NXPE4: variants seen among roughly 807,000 people sequenced by gnomAD.
The protein encoded by NXPE4 is NXPE family member 4.
NXPE4 carries 42 observed loss-of-function variants against 33.3 expected under a neutral mutation model. The observed-to-expected ratio is 1.26, with a 90% CI of 0.98 to 1.63. The LOEUF (loss-of-function observed/expected upper bound fraction) is 1.63. Ranked by LOEUF, NXPE4 falls within the 40% of genes most tolerant of loss-of-function variation. The pLI is 0.00. For missense variants in NXPE4, 709 were observed against 647.6 expected (o/e 1.09, Z -1.03); for synonymous variants, 253 against 234.9 (o/e 1.08, Z -0.71).
intron 5 of NXPE4, among the ~76,000 whole-genome samples, chr11:114,577,271 C>T (rs1336541127): frequency 6.6e-6 from 1 of 150,950 alleles, no homozygotes; most frequent in Admixed American, 6.6e-5. Context: ...GAATGGGAGG[C>T]TATTATTCTA....
At chr11:114,642,437 C>T in the NXPE4 span, among the ~76,000 whole-genome samples, 462 of 152,078 alleles carry the variant, frequency 3.0e-3, 14 homozygotes, top group Non-Finnish European at 6.3e-4. Flanking sequence ...CCCCAGCCCC[C>T]GACAGGCCCA....
the NXPE4 span, among the ~76,000 whole-genome samples, chr11:114,617,348 A>G: frequency 5.3e-5 from 8 of 152,102 alleles, 1 homozygote; most frequent in Admixed American, 3.9e-4. Context: ...CTGGTGGATA[A>G]TAAGTATTAC....
chr11:114,661,170 T>C, the NXPE4 span, among the ~76,000 whole-genome samples: 1 of 152,206 alleles, frequency 6.6e-6, no homozygotes. Flanking sequence ...AGGATATTAG[T>C]TCTCCCAAAA....
the NXPE4 span, among the ~76,000 whole-genome samples, chr11:114,609,602 C>G: frequency 8.4e-3 from 1,277 of 151,774 alleles, 18 homozygotes; most frequent in African/African-American, 0.029. Flanking sequence ...ATAAGTGTTG[C>G]CTCGTGGGTA....
At chr11:114,622,664 C>T in the NXPE4 span, among the ~76,000 whole-genome samples, 27 of 151,882 alleles carry the variant, frequency 1.8e-4, no homozygotes, top group African/African-American at 5.6e-4. Flanking sequence ...CAGTGTTACC[C>T]GGTGGATAAT....
chr11:114,632,726 A>AT, the NXPE4 span, among the ~76,000 whole-genome samples: 8 of 59,084 alleles, frequency 1.4e-4, 1 homozygote, highest in African/African-American at 2.0e-4. Context: ...TATATATAAT[A>AT]TATAATATAT....
intron 1 of NXPE4, 140 bp from the exon 2 acceptor site, chr11:114,594,909 A>C: frequency 1.8e-6 from 1 of 558,614 alleles, no homozygotes; most frequent in South Asian, 2.1e-5. Context: ...ATAAACCTTC[A>C]CCCCCGCAAG....
At position 114,580,257 on chromosome 11, in the gene NXPE4, C is replaced by A; in HGVS notation, c.974G>T (p.Trp325Leu). The stretch of plus-strand genomic sequence containing the variant: ...AGCCAAACTACAGGAGACAGGATTC[C>A]ATGTGTTTCTCCAGACATGCCCACT... ...IPSGHVWRNT[W>L]NPVSCSLATV... Residue 325 changes from tryptophan to leucine, a missense_variant, in exon 5 of 6, where the codon TGG (tryptophan) becomes TTG (leucine). Trp to Leu is a moderately conservative substitution (Grantham distance 61, BLOSUM62 -2). Coordinates refer to ENST00000375478, the MANE Select transcript of NXPE4 (RefSeq NM_001077639.2). 1 of 1,614,030 alleles carries A rather than the reference C, an allele frequency of 6.2e-7. No homozygotes were observed. The highest frequency in any genetic ancestry group is 8.5e-7 in the Non-Finnish European group (1 of 1,179,930).
chr11:114,604,718 G>A, the NXPE4 span, among the ~76,000 whole-genome samples: 981 of 152,018 alleles, frequency 6.5e-3, 13 homozygotes, highest in Middle Eastern at 0.01. Context: ...TGCCTTGTGG[G>A]TAACCACTGT....
At chr11:114,644,623 A>G in the NXPE4 span, among the ~76,000 whole-genome samples, 1 of 152,200 alleles carries the variant, frequency 6.6e-6, no homozygotes, top group Non-Finnish European at 1.5e-5. Flanking sequence ...AGGACATGAA[A>G]GAAGGCATGA....
At position 114,582,685 on chromosome 11, in the gene NXPE4, G is replaced by C. The variant is rs754295764; in HGVS notation, c.433C>G (p.Pro145Ala). The C allele has an allele frequency of 6.2e-7, 1 of 1,614,120 alleles. No individual in the cohort carries two copies. The highest frequency in any genetic ancestry group is 2.2e-5 in the East Asian group (1 of 44,872). ...GDFLRARMSSPALMAGASGKV... is the reference protein window; with the variant it reads ...GDFLRARMSSAALMAGASGKV... ...CCTGAAGCACCTGCCATCAGCGCTG[G>C]GGAAGACATCCTGGCCCTCAGGAAA... The change falls in exon 3 of 6, where the codon CCA becomes GCA. Residue 145 changes from proline (P) to alanine (A), a missense_variant. Pro to Ala is a conservative substitution (Grantham distance 27). Coordinates refer to ENST00000375478, the MANE Select transcript of NXPE4 (RefSeq NM_001077639.2).
chr11:114,633,667 ATG>A, the NXPE4 span, among the ~76,000 whole-genome samples: 1 of 134,296 alleles, frequency 7.4e-6, no homozygotes, highest in African/African-American at 2.8e-5. Context: ...TCCTGTGTCC[ATG>A]TGTTCTCATT....
chr11:114,664,365 A>G, the NXPE4 span, among the ~76,000 whole-genome samples: 45 of 152,212 alleles, frequency 3.0e-4, no homozygotes, highest in Admixed American at 9.2e-4. Flanking sequence ...ACAAAGGTGT[A>G]TAAGTAAAGT....
In NXPE4 at chr11:114,582,293, A is replaced by G; in HGVS notation, c.825T>C (p.Phe275=). ...SYLSKQEKSL[F]ERSNVGVEIM... ...CAAGAAGTAATTATTTTTACCTTTC[A>G]AAGAGGCTCTTTTCTTGTTTGCTAA... The change falls in exon 3 of 6, where the codon TTT becomes TTC. Residue 275 remains phenylalanine (F), a synonymous_variant. Coordinates refer to ENST00000375478, the MANE Select transcript of NXPE4 (RefSeq NM_001077639.2). 1 of 1,568,002 alleles carries G rather than the reference A, an allele frequency of 6.4e-7. No individual in the cohort carries two copies.
At chr11:114,585,221 C>T (rs1345135160) in intron 2 of NXPE4, among the ~76,000 whole-genome samples, 3 of 151,666 alleles carry the variant, frequency 2.0e-5, no homozygotes, top group Admixed American at 6.6e-5. Context: ...AGTCTAGTCT[C>T]CTGCCATCCT....
chr11:114,606,238 T>C, the NXPE4 span, among the ~76,000 whole-genome samples: 18 of 151,324 alleles, frequency 1.2e-4, no homozygotes, highest in Non-Finnish European at 1.9e-4. Context: ...CACTGTTACC[T>C]GCTGGATAAC....
chr11:114,650,593 G>T, the NXPE4 span, among the ~76,000 whole-genome samples: 1 of 152,196 alleles, frequency 6.6e-6, no homozygotes, highest in African/African-American at 2.4e-5. Flanking sequence ...ACACTGCAAA[G>T]GGAGGAGGTG....
the NXPE4 span, among the ~76,000 whole-genome samples, chr11:114,665,789 C>T: frequency 3.1e-4 from 47 of 152,292 alleles, 1 homozygote; most frequent in Admixed American, 2.5e-3. Flanking sequence ...TTTAAAGTTT[C>T]TCCTTGGAAC....
chr11:114,656,235 C>T, the NXPE4 span, among the ~76,000 whole-genome samples: 1 of 152,036 alleles, frequency 6.6e-6, no homozygotes, highest in Non-Finnish European at 1.5e-5. Context: ...ATGCAAAGGA[C>T]CTCTTCAAGG....
Sources: allele counts gnomAD v4.1 joint callset (sites outside exome capture counted in the v4.1 genomes callset), GRCh38; gene constraint gnomAD v4.1.1; transcripts MANE v1.5; gene names NCBI Gene and HGNC (gene_info 2026-07-23, HGNC 2026-07-21).